Variants in IQUB observed in about 807,000 individuals in gnomAD.
IQUB encodes IQ motif and ubiquitin-like domain-containing protein.
IQUB carries 86 observed loss-of-function variants against 86.4 expected under a neutral mutation model. That is an observed-to-expected ratio of 1.00 (90% CI 0.84 to 1.19). IQUB has a LOEUF of 1.19. Ranked by LOEUF, IQUB falls within the 50% of genes most tolerant of loss-of-function variation. The pLI, the probability that IQUB is intolerant of heterozygous loss-of-function variation, is 0.00. For missense variants in IQUB, 946 were observed against 916.9 expected (o/e 1.03, Z -0.41); for synonymous variants, 289 against 304.5 (o/e 0.95, Z 0.53).
chr7:123,478,242 G>A (rs1584576349), intron 8 of IQUB, among the ~76,000 whole-genome samples: 1 of 149,656 alleles, frequency 6.7e-6, no homozygotes, highest in Non-Finnish European at 1.5e-5. Flanking sequence ...GGAATACTAT[G>A]CAGCCATAAA....
At chr7:123,464,780 T>C in intron 10 of IQUB, 53 bp downstream of exon 10, 1 of 1,249,236 alleles carries the variant, frequency 8.0e-7, no homozygotes, top group South Asian at 1.6e-5. Flanking sequence ...TTCAATTTAC[T>C]ATACCACATC....
chr7:123,515,677 GAATTTCA>G (rs1205803081), intron 1 of IQUB, among the ~76,000 whole-genome samples: 1 of 152,088 alleles, frequency 6.6e-6, no homozygotes, highest in Non-Finnish European at 1.5e-5. Context: ...TATAAAAATG[GAATTTCA>G]AATCACAATG....
Position 123,509,896 on chromosome 7 carries a change from C to G in IQUB, c.532+5G>C. The stretch of plus-strand genomic sequence containing the variant: ...TTGATATGTTTTATTAGCCTCCAAA[C>G]TTACCTGAGTATCTTATCTGCAGTA... On this transcript the variant is annotated splice_donor_5th_base_variant and intron_variant, in intron 3 of 12. Transcript: ENST00000324698. The G allele has an allele frequency of 6.3e-7, 1 of 1,597,776 alleles. No individual in the cohort carries two copies. The highest frequency in any genetic ancestry group is 1.8e-5 in the Admixed American group (1 of 55,596).
intron 4 of IQUB, 42 bp downstream of exon 4, chr7:123,503,160 G>A (rs1302539585): frequency 6.2e-7 from 1 of 1,606,484 alleles, no homozygotes; most frequent in South Asian, 1.1e-5. Flanking sequence ...AACCAAGAAG[G>A]GACTCAAAAA....
At chr7:123,528,033 G>A (rs1481323555) in intron 1 of IQUB, among the ~76,000 whole-genome samples, 1 of 152,230 alleles carries the variant, frequency 6.6e-6, no homozygotes, top group African/African-American at 2.4e-5. Context: ...CGTTTTTTAA[G>A]CCTGTCGGAA....
At chr7:123,479,031 A>G (rs2177775) in intron 8 of IQUB, among the ~76,000 whole-genome samples, 1 of 152,126 alleles carries the variant, frequency 6.6e-6, no homozygotes, top group African/African-American at 2.4e-5. Flanking sequence ...GAAGAAGATG[A>G]GAGGAGGGCA....
In IQUB at chr7:123,502,957, C is replaced by G. The variant is rs1257525839; in HGVS notation, c.854G>C (p.Cys285Ser). 1.2e-6 allele frequency: 2 copies of G among 1,610,726 alleles called. No individual in the cohort carries two copies. Among genetic ancestry groups the G allele is most frequent in the Admixed American group, 3.4e-5 (2 of 59,388 alleles). ...KRIPERLSIF[C>S]RDTQTVFQKK... ...TAAAAACATTACCTGCGTATCCCTA[C>G]AAAATATACTGAGTCTTTCGGGAAT... The change falls in exon 5 of 13, where the codon TGT becomes TCT. Residue 285 changes from cysteine (C) to serine (S), a missense_variant. By Grantham distance (112) the Cys-to-Ser change is moderately radical (BLOSUM62 -1). Coordinates refer to ENST00000324698, the MANE Select transcript of IQUB (RefSeq NM_178827.5).
intron 3 of IQUB, among the ~76,000 whole-genome samples, chr7:123,503,699 A>C (rs1796050752): frequency 6.6e-6 from 1 of 151,840 alleles, no homozygotes; most frequent in African/African-American, 2.4e-5. Flanking sequence ...GAACTTTGAA[A>C]CTTTGAACAC....
intron 12 of IQUB, among the ~76,000 whole-genome samples, chr7:123,456,237 A>G (rs1370610069): frequency 6.6e-6 from 1 of 152,118 alleles, no homozygotes; most frequent in Non-Finnish European, 1.5e-5. Flanking sequence ...ATTTGATTAA[A>G]TGCACAAAGG....
At chr7:123,528,709 G>T (rs1797382605) in intron 1 of IQUB, among the ~76,000 whole-genome samples, 1 of 152,210 alleles carries the variant, frequency 6.6e-6, no homozygotes, top group Non-Finnish European at 1.5e-5. Flanking sequence ...GTGGTAGTCA[G>T]ATCCAGAATT....
intron 11 of IQUB, 35 bp downstream of exon 11, chr7:123,461,322 C>A: frequency 6.4e-7 from 1 of 1,566,428 alleles, no homozygotes; most frequent in Non-Finnish European, 8.7e-7. Flanking sequence ...CCTTGACAAG[C>A]TTCAGCTATA....
chr7:123,522,899 A>G (rs935094944), intron 1 of IQUB, among the ~76,000 whole-genome samples: 1 of 126,084 alleles, frequency 7.9e-6, no homozygotes, highest in Admixed American at 1.0e-4. Context: ...TTCCCCTTCC[A>G]GTGTCCATGT....
chr7:123,528,499 A>G (rs1241726496), intron 1 of IQUB, among the ~76,000 whole-genome samples: 1 of 152,248 alleles, frequency 6.6e-6, no homozygotes, highest in Non-Finnish European at 1.5e-5. Context: ...AGTAGGCAGT[A>G]TATCTGGGAT....
intron 1 of IQUB, among the ~76,000 whole-genome samples, chr7:123,515,533 A>C (rs553832524): frequency 6.6e-6 from 1 of 152,330 alleles, no homozygotes; most frequent in African/African-American, 2.4e-5. Context: ...TGAAGTGCCT[A>C]ACTGCTCTAC....
chr7:123,526,794 C>T (rs1456920286), intron 1 of IQUB, among the ~76,000 whole-genome samples: 6 of 151,846 alleles, frequency 4.0e-5, no homozygotes, highest in Non-Finnish European at 7.4e-5. Context: ...TTCCTAGTCT[C>T]GATGGTCTTT....
intron 2 of IQUB, among the ~76,000 whole-genome samples, chr7:123,511,252 G>A (rs1300365460): frequency 1.3e-5 from 2 of 152,076 alleles, no homozygotes; most frequent in Non-Finnish European, 2.9e-5. Flanking sequence ...TCTGTAGGCA[G>A]AAACTCTCTC....
At chr7:123,480,588 T>A (rs1490581890) in intron 7 of IQUB, among the ~76,000 whole-genome samples, 1 of 152,096 alleles carries the variant, frequency 6.6e-6, no homozygotes, top group Non-Finnish European at 1.5e-5. Context: ...AGGTGTCAAA[T>A]CTCATCTCAA....
rs931990982 is a variant in IQUB at position 123,512,229 on chromosome 7, CTT to C, written c.110_111del (p.Gln37ArgfsTer6). 2 of 1,613,960 alleles carry C rather than the reference CTT, an allele frequency of 1.2e-6. No individual in the cohort carries two copies. Among genetic ancestry groups the C allele is most frequent in the Non-Finnish European group, 1.7e-6 (2 of 1,179,904 alleles). On this transcript the variant is annotated frameshift_variant, in exon 2 of 13. Coordinates refer to ENST00000324698, the MANE Select transcript of IQUB (RefSeq NM_178827.5). LOFTEE classifies it high-confidence loss of function. Reference sequence around the variant, plus strand: ...TCATGCTCTTCAGTTTGATCTGACTCTTGAGGCTCTTCTGAGGGAACTGGAAT... The same window carrying C: ...TCATGCTCTTCAGTTTGATCTGACTCGAGGCTCTTCTGAGGGAACTGGAAT... ...VTIPVPSEEP[Q>X]ESDQTEEHES... is the part of the protein sequence containing the mutation.
intron 8 of IQUB, among the ~76,000 whole-genome samples, chr7:123,478,825 A>G (rs142550952): frequency 2.8e-4 from 42 of 152,182 alleles, no homozygotes; most frequent in African/African-American, 7.9e-4. Context: ...GGGGCAAGGG[A>G]TGGTAAGGTG....
Sources: allele counts gnomAD v4.1 joint callset (sites outside exome capture counted in the v4.1 genomes callset), GRCh38; gene constraint gnomAD v4.1.1; transcripts MANE v1.5; gene names NCBI Gene and HGNC (gene_info 2026-07-23, HGNC 2026-07-21).